ARNT: variants seen among roughly 807,000 people sequenced by gnomAD.
ARNT encodes the protein class E basic helix-loop-helix protein 2.
ARNT carries 30 observed loss-of-function variants against 105.0 expected under a neutral mutation model. That is an observed-to-expected ratio of 0.29 (90% CI 0.21 to 0.39). The LOEUF is 0.39. ARNT is among the 10% of genes least tolerant of loss of function. ARNT has a pLI of 1.00. For missense variants in ARNT, 748 were observed against 978.7 expected (o/e 0.76, Z 3.15); for synonymous variants, 304 against 344.0 (o/e 0.88, Z 1.29).
In ARNT at chr1:150,818,023, T is replaced by C. The variant is rs779287274; in HGVS notation, c.1402A>G (p.Ser468Gly). 1.9e-6 allele frequency: 3 copies of C among 1,599,516 alleles called. No homozygotes were observed. The highest frequency in any genetic ancestry group is 2.6e-6 in the Non-Finnish European group (3 of 1,174,112). ...ICTNTNVKNSSQEPRPTLSNT... is the reference protein window; with the variant it reads ...ICTNTNVKNSGQEPRPTLSNT... ...GAGAGTGTAGGCCGTGGTTCTTGGC[T>C]AGAGTTCCTAGGAAACCAGAGTAGA... The change falls in exon 15 of 22, where the codon AGC (serine) becomes GGC (glycine). Residue 468 changes from serine to glycine, a missense_variant. Ser to Gly is a moderately conservative substitution (Grantham distance 56). Coordinates refer to ENST00000358595, the MANE Select transcript of ARNT (RefSeq NM_001668.4).
chr1:150,823,311 A>T lies in ARNT; in HGVS notation c.1277T>A (p.Met426Lys). The change falls in exon 14 of 22, where the codon ATG becomes AAG. Residue 426 changes from methionine to lysine, a missense_variant. By Grantham distance (95) the Met-to-Lys change is moderately conservative (BLOSUM62 -1). This residue lies in a region of ARNT where 291 missense variants were observed against 444.6 expected (regional missense o/e 0.65). Coordinates refer to ENST00000358595, the MANE Select transcript of ARNT (RefSeq NM_001668.4). ...VKLKGQVLSV[M>K]FRFRSKNQEW... ...TTGGTTCTTAGACCGGAACCGGAAC[A>T]TGACAGACAGCACTTGGCCTTTTAA... 1.2e-6 allele frequency: 2 copies of T among 1,613,410 alleles called. No homozygotes were observed. Among genetic ancestry groups the T allele is most frequent in the Non-Finnish European group, 1.7e-6 (2 of 1,179,378 alleles).
chr1:150,853,296 C>G, intron 2 of ARNT: 1 of 371,024 alleles, frequency 2.7e-6, no homozygotes, highest in Non-Finnish European at 5.3e-6. Context: ...AAAAAAAGTA[C>G]AAAACTGGGC....
At chr1:150,827,903 C>T (rs117011333) in intron 12 of ARNT, among the ~76,000 whole-genome samples, 1 of 152,266 alleles carries the variant, frequency 6.6e-6, no homozygotes, top group East Asian at 1.9e-4. Flanking sequence ...TTAATTTGCA[C>T]TTTCCTAATG....
At chr1:150,847,467 G>C (rs1052509601) in intron 3 of ARNT, among the ~76,000 whole-genome samples, 1 of 151,488 alleles carries the variant, frequency 6.6e-6, no homozygotes, top group Non-Finnish European at 1.5e-5. Context: ...AGGGAATTCG[G>C]CAGTGCTTTT....
intron 3 of ARNT, among the ~76,000 whole-genome samples, chr1:150,850,158 AGG>A (rs1663054122): frequency 6.6e-6 from 1 of 152,118 alleles, no homozygotes; most frequent in African/African-American, 2.4e-5. Context: ...GAGGCCGAGG[AGG>A]GCGGATCACG....
At chr1:150,851,143 G>A (rs587637102) in intron 3 of ARNT, among the ~76,000 whole-genome samples, 4 of 150,508 alleles carry the variant, frequency 2.7e-5, no homozygotes, top group African/African-American at 7.3e-5. Context: ...CGCCCCGTCC[G>A]GGAGGTGGGG....
In ARNT at chr1:150,811,877, A is replaced by C. The variant is rs1654796672; in HGVS notation, c.*144T>G. 2.1e-6 allele frequency: 1 copy of C among 472,806 alleles called. No homozygotes were observed. Among genetic ancestry groups the C allele is most frequent in the African/African-American group, 2.0e-5 (1 of 49,786 alleles). 29.3% of individuals were successfully genotyped at this position (472,806 alleles called of 1,614,324 possible). A position where few individuals can be genotyped will look rare whatever the true frequency, so the allele number is the denominator to read the frequency against. On this transcript the variant is annotated 3_prime_UTR_variant, in exon 22 of 22. Coordinates refer to ENST00000358595, the MANE Select transcript of ARNT (RefSeq NM_001668.4). ...CCTTAGAGAGGCAACAGAGCAGGGG[A>C]ACAGCCAGAAGGGAAAGGGGGTACA...
chr1:150,839,761 A>C, intron 5 of ARNT, 107 bp from the exon 6 acceptor site: 1 of 1,161,858 alleles, frequency 8.6e-7, no homozygotes, highest in Admixed American at 2.2e-5. Context: ...TGTGGTATTC[A>C]GATTTAGTGA....
chr1:150,860,573 T>C (rs1665447070), intron 1 of ARNT, among the ~76,000 whole-genome samples: 1 of 150,826 alleles, frequency 6.6e-6, no homozygotes, highest in Non-Finnish European at 1.5e-5. Flanking sequence ...ATATAAAGAG[T>C]GGCCAGGCAC....
rs755362112 is a variant in ARNT at position 150,811,832 on chromosome 1, C to A, written c.*189G>T. The A allele has an allele frequency of 2.5e-6, 1 of 395,866 alleles. No homozygotes were observed. Among genetic ancestry groups the A allele is most frequent in the Non-Finnish European group, 4.5e-6 (1 of 224,330 alleles). 24.5% of individuals were successfully genotyped at this position (395,866 alleles called of 1,614,324 possible). On this transcript the variant is annotated 3_prime_UTR_variant, in exon 22 of 22. Transcript: ENST00000358595. ...TCCTAAAAGCCTTGGAGATTCATTC[C>A]ATTTCTTCTATAAATGTTACCTTAG... is the stretch of plus-strand genomic sequence containing the variant.
chr1:150,819,182 G>A (rs191597596), intron 14 of ARNT, among the ~76,000 whole-genome samples: 3 of 151,798 alleles, frequency 2.0e-5, no homozygotes, highest in Admixed American at 1.3e-4. Context: ...AGATTAAATG[G>A]CAAGGTGGTA....
intron 4 of ARNT, among the ~76,000 whole-genome samples, chr1:150,843,423 T>C (rs1020735821): frequency 2.0e-5 from 3 of 152,200 alleles, no homozygotes; most frequent in African/African-American, 7.2e-5. Context: ...AGCTAAAAGA[T>C]TATTTAGCTA....
chr1:150,833,258 C>G (rs1450014291), intron 8 of ARNT, among the ~76,000 whole-genome samples: 1 of 152,282 alleles, frequency 6.6e-6, no homozygotes, highest in Admixed American at 6.5e-5. Context: ...AATCTCAGCA[C>G]TTTGGGAGGC....
Position 150,846,297 on chromosome 1 carries a change from C to A in ARNT, c.193G>T (p.Asp65Tyr). ...GNSKFLRCDD[D>Y]QMSNDKERFA... ...CGCTCCTTATCGTTAGACATCTGAT[C>A]ATCATCACACCTGAAGGAGAGAAAA... Residue 65 changes from aspartate (D) to tyrosine (Y), a missense_variant, in exon 4 of 22, where the codon GAT (aspartate) becomes TAT (tyrosine). Transcript: ENST00000358595. 1 of 1,613,246 alleles carries A rather than the reference C, an allele frequency of 6.2e-7. No homozygotes were observed. The highest frequency in any genetic ancestry group is 1.1e-5 in the South Asian group (1 of 91,052).
intron 1 of ARNT, among the ~76,000 whole-genome samples, chr1:150,861,746 A>G (rs975327827): frequency 6.6e-6 from 1 of 152,244 alleles, no homozygotes; most frequent in Admixed American, 6.5e-5. Flanking sequence ...CCCAAAAAAA[A>G]GGGTCATACT....
Position 150,820,454 on chromosome 1 carries a change from T to G in ARNT, c.1395-2424A>C, listed in dbSNP as rs1656808791. 2.0e-5 allele frequency among the ~76,000 whole-genome samples: 3 copies of G among 152,124 alleles called. No homozygotes were observed. In the South Asian group the frequency reaches 6.2e-4, roughly 31 times the overall value. On this transcript the variant is annotated intron_variant, in intron 14 of 21. Coordinates refer to ENST00000358595, the MANE Select transcript of ARNT (RefSeq NM_001668.4). ...GATGGACTGCTTGTGCCCAGGAGTT[T>G]AAGACCAGACTCTGCAACATGGAAA...
chr1:150,845,714 C>T (rs1161804775), intron 4 of ARNT, among the ~76,000 whole-genome samples: 1 of 152,122 alleles, frequency 6.6e-6, no homozygotes, highest in Non-Finnish European at 1.5e-5. Flanking sequence ...TCACCCTGAC[C>T]AACATGGTGA....
intron 2 of ARNT, chr1:150,853,294 T>C: frequency 2.7e-6 from 1 of 374,230 alleles, no homozygotes; most frequent in South Asian, 2.0e-5. Context: ...AAAAAAAAAG[T>C]ACAAAACTGG....
At position 150,811,927 on chromosome 1, in the gene ARNT, G is replaced by A. The variant is rs587764946; in HGVS notation, c.*94C>T. On this transcript the variant is annotated 3_prime_UTR_variant, in exon 22 of 22. Transcript: ENST00000358595. ...ATGTCAGGGGTGAGGGAAGGGAAGG[G>A]AGAGGAACTTTTATTCTGTTTACAG... is the stretch of plus-strand genomic sequence containing the variant. 4 of 967,762 alleles carry A rather than the reference G, an allele frequency of 4.1e-6. No individual in the cohort carries two copies. The East Asian group carries it at 1.2e-4, about 29-fold the overall frequency. 59.9% of individuals were successfully genotyped at this position (967,762 alleles called of 1,614,324 possible). A position where few individuals can be genotyped will look rare whatever the true frequency, so the allele number is the denominator to read the frequency against.
Sources: gnomAD v4.1 joint callset for allele counts (sites outside exome capture counted in the v4.1 genomes callset) on GRCh38, gnomAD v4.1.1 for gene constraint, gnomAD v4.1.1 regional missense constraint, MANE v1.5 for transcripts, NCBI Gene and HGNC (gene_info 2026-07-23, HGNC 2026-07-21) for gene names.